Variants in NTM observed in about 807,000 individuals in gnomAD.
NTM encodes the protein neurotrimin.
In NTM, 13 loss-of-function variants were observed where a neutral mutation model predicts 42.1. The observed-to-expected ratio is 0.31, with a 90% CI of 0.20 to 0.49. NTM has a LOEUF of 0.49. Ranked by LOEUF, NTM falls within the 20% of genes least tolerant of loss-of-function variation. The probability of loss-of-function intolerance (pLI) is 0.99; values close to 1 mark genes in which losing one functional copy is unlikely to be tolerated. For missense variants in NTM, 373 were observed against 452.8 expected (o/e 0.82, Z 1.60); for synonymous variants, 187 against 179.2 (o/e 1.04, Z -0.35).
chr11:131,457,158 A>C (rs962389746), intron 1 of NTM, among the ~76,000 whole-genome samples: 1 of 152,230 alleles, frequency 6.6e-6, no homozygotes, highest in African/African-American at 2.4e-5. Flanking sequence ...TCCAGGATCC[A>C]AGTGACAACA....
chr11:132,232,120 TG>T (rs1566536175), intron 4 of NTM, among the ~76,000 whole-genome samples: 1 of 152,240 alleles, frequency 6.6e-6, no homozygotes, highest in African/African-American at 2.4e-5. Context: ...GCGTCTCGCC[TG>T]GGAGAGCTCT....
intron 7 of NTM, among the ~76,000 whole-genome samples, chr11:132,317,988 G>A (rs1181167067): frequency 6.6e-6 from 1 of 152,192 alleles, no homozygotes; most frequent in Admixed American, 6.5e-5. Flanking sequence ...GTGAGTCTGG[G>A]ACCCATAGGA....
rs113876532 is a variant in NTM at position 131,644,002 on chromosome 11, C to T, written c.83-267562C>T. Among the ~76,000 whole-genome samples, 20 of 152,292 alleles carry T rather than the reference C, an allele frequency of 1.3e-4. 1 individual carries two copies. The highest frequency in any genetic ancestry group is 4.6e-4 in the African/African-American group (19 of 41,554). Reference sequence around the variant, plus strand: ...TCTTTGATCATCATTCATTATAAGACGACTTCTGCAGAATCTCCCAGGAGA... The same window carrying T: ...TCTTTGATCATCATTCATTATAAGATGACTTCTGCAGAATCTCCCAGGAGA... On this transcript the variant is annotated intron_variant, in intron 1 of 8. Coordinates refer to ENST00000683400, the MANE Select transcript of NTM (RefSeq NM_001352005.2).
intron 1 of NTM, among the ~76,000 whole-genome samples, chr11:131,838,893 C>T (rs2043857517): frequency 6.6e-6 from 1 of 151,972 alleles, no homozygotes. Flanking sequence ...TATTCCTGCC[C>T]TCTTTGGGTT....
At chr11:131,934,848 C>T (rs2059037739) in intron 2 of NTM, among the ~76,000 whole-genome samples, 1 of 152,176 alleles carries the variant, frequency 6.6e-6, no homozygotes, top group Admixed American at 6.5e-5. Flanking sequence ...GCAGACAGAC[C>T]TGCAGGGTCT....
intron 3 of NTM, among the ~76,000 whole-genome samples, chr11:132,188,984 T>C (rs765864782): frequency 1.3e-5 from 2 of 152,144 alleles, no homozygotes; most frequent in Non-Finnish European, 2.9e-5. Context: ...GCATAAGAGC[T>C]TAATAAGAAA....
chr11:132,322,187 TTAAATG>T (rs1330463427), intron 7 of NTM, among the ~76,000 whole-genome samples: 4 of 151,828 alleles, frequency 2.6e-5, no homozygotes, highest in Non-Finnish European at 5.9e-5. Flanking sequence ...ACTATTAACT[TTAAATG>T]TAAATGGACT....
intron 3 of NTM, among the ~76,000 whole-genome samples, chr11:132,180,181 A>G (rs2077360553): frequency 6.6e-6 from 1 of 152,204 alleles, no homozygotes; most frequent in South Asian, 2.1e-4. Flanking sequence ...TTCACAGTCT[A>G]ATAAATTATT....
At chr11:132,001,612 C>T (rs537193834) in intron 2 of NTM, among the ~76,000 whole-genome samples, 1 of 151,978 alleles carries the variant, frequency 6.6e-6, no homozygotes, top group Non-Finnish European at 1.5e-5. Flanking sequence ...GTACCATACC[C>T]CAACAACAGA....
At chr11:131,634,117 G>A (rs957592296) in intron 1 of NTM, among the ~76,000 whole-genome samples, 1 of 152,164 alleles carries the variant, frequency 6.6e-6, no homozygotes, top group Non-Finnish European at 1.5e-5. Context: ...TGGGTAAACA[G>A]GAGTGGTTGG....
At chr11:131,948,384 A>AAAAACAAAAAAAAAG (rs150331176) in intron 2 of NTM, among the ~76,000 whole-genome samples, 107 of 147,598 alleles carry the variant, frequency 7.2e-4, no homozygotes, top group African/African-American at 2.7e-3. Context: ...AAAAAAACAA[A>AAAAACAAAAAAAAAG]AAAACAAAAA....
chr11:132,131,643 G>T (rs2066847665), intron 2 of NTM, among the ~76,000 whole-genome samples: 1 of 152,150 alleles, frequency 6.6e-6, no homozygotes, highest in African/African-American at 2.4e-5. Context: ...GAAGCTGCAG[G>T]ATCCCAGACC....
intron 1 of NTM, among the ~76,000 whole-genome samples, chr11:131,403,894 C>T (rs1276677261): frequency 1.3e-5 from 2 of 152,126 alleles, no homozygotes; most frequent in Admixed American, 1.3e-4. Context: ...TTTTAGAGTT[C>T]AACATCTCAA....
intron 1 of NTM, among the ~76,000 whole-genome samples, chr11:131,480,563 T>C (rs955914773): frequency 6.6e-6 from 1 of 152,220 alleles, no homozygotes; most frequent in African/African-American, 2.4e-5. Flanking sequence ...GAAATTGGTT[T>C]CTAAGCTCCA....
At chr11:131,682,487 G>A (rs1296395778) in intron 1 of NTM, among the ~76,000 whole-genome samples, 1 of 152,158 alleles carries the variant, frequency 6.6e-6, no homozygotes, top group Admixed American at 6.5e-5. Flanking sequence ...CTCGTGGCAC[G>A]CATGCAGCTG....
At chr11:132,212,716 A>G (rs961728457) in intron 4 of NTM, among the ~76,000 whole-genome samples, 4 of 152,242 alleles carry the variant, frequency 2.6e-5, no homozygotes, top group Non-Finnish European at 5.9e-5. Context: ...TACGTAGACC[A>G]AAGTGTTGTT....
chr11:131,569,008 A>G (rs1197230854), intron 1 of NTM, among the ~76,000 whole-genome samples: 1 of 152,208 alleles, frequency 6.6e-6, no homozygotes, highest in African/African-American at 2.4e-5. Context: ...CATTACTGCA[A>G]TCAACTTTAG....
intron 2 of NTM, among the ~76,000 whole-genome samples, chr11:132,055,775 C>G (rs1241323833): frequency 1.3e-5 from 2 of 152,116 alleles, no homozygotes; most frequent in Non-Finnish European, 2.9e-5. Flanking sequence ...GGGTTTGAAT[C>G]CCGTCTCTTT....
chr11:132,310,266 C>G, intron 6 of NTM, 34 bp downstream of exon 6: 1 of 1,539,390 alleles, frequency 6.5e-7, no homozygotes, highest in Non-Finnish European at 8.7e-7. Flanking sequence ...CCACCCCTAC[C>G]CCCATCTCCA....
Sources: allele counts gnomAD v4.1 joint callset (sites outside exome capture counted in the v4.1 genomes callset), GRCh38; gene constraint gnomAD v4.1.1; transcripts MANE v1.5; gene names NCBI Gene and HGNC (gene_info 2026-07-23, HGNC 2026-07-21).